Variants in PIK3C2A observed in about 807,000 individuals in gnomAD.
PIK3C2A encodes the protein phosphatidylinositol-4-phosphate 3-kinase catalytic subunit type 2 alpha.
In PIK3C2A, 97 loss-of-function variants were observed where a neutral mutation model predicts 204.5. That is an observed-to-expected ratio of 0.47 (90% CI 0.40 to 0.56). The LOEUF (loss-of-function observed/expected upper bound fraction) is 0.56. PIK3C2A is among the 20% of genes least tolerant of loss of function. The pLI is 0.00. For missense variants in PIK3C2A, 1,735 were observed against 1,969.2 expected, an observed-to-expected ratio of 0.88 and a Z score of 2.25; for synonymous variants, 653 against 664.4, an observed-to-expected ratio of 0.98 and a Z score of 0.26.
chr11:17,120,009 G>A, intron 15 of PIK3C2A, 35 bp from the exon 16 acceptor site: 2 of 922,838 alleles, frequency 2.2e-6, no homozygotes, highest in South Asian at 3.8e-5. Flanking sequence ...ACTTCTCAGT[G>A]ATAACATAAT....
intron 32 of PIK3C2A, among the ~76,000 whole-genome samples, chr11:17,090,557 C>A (rs1244196956): frequency 2.0e-5 from 3 of 152,112 alleles, no homozygotes; most frequent in Admixed American, 6.6e-5. Context: ...TAATTAAGCA[C>A]AGACTAGACA....
rs368712422 is a variant in PIK3C2A at position 17,122,836 on chromosome 11, A to C, written c.2400-23T>G. ...AACCTTCACGGATGTAAAAATAATA[A>C]TGTGATTTTCATTTTAAAAATCAAT... On this transcript the variant is annotated intron_variant, in intron 13 of 32. Coordinates refer to ENST00000691414, the MANE Select transcript of PIK3C2A (RefSeq NM_002645.4). The C allele has an allele frequency of 3.6e-5, 34 of 948,660 alleles. No homozygotes were observed. In the African/African-American group the frequency reaches 5.1e-4, roughly 14 times the overall value. 58.8% of individuals were successfully genotyped at this position (948,660 alleles called of 1,614,324 possible). A position where few individuals can be genotyped will look rare whatever the true frequency, so the allele number is the denominator to read the frequency against.
rs369370929 is a variant in PIK3C2A, at chr11:17,134,811, T to C, written c.2108+8A>G. On this transcript the variant is annotated splice_region_variant and intron_variant, in intron 11 of 32. Transcript: ENST00000691414. ...CCACCATGCCTGGCTGCTTAAACAG[T>C]TACTTACTTTGATACCCAATTACTT... The C allele has an allele frequency of 2.5e-6, 4 of 1,603,414 alleles. No individual in the cohort carries two copies. Among genetic ancestry groups the C allele is most frequent in the Non-Finnish European group, 3.4e-6 (4 of 1,170,244 alleles).
chr11:17,090,053 G>C (rs777615544), intron 32 of PIK3C2A, 133 bp from the exon 33 acceptor site: 2 of 649,982 alleles, frequency 3.1e-6, no homozygotes, highest in Non-Finnish European at 5.3e-6. Context: ...TGACACATCC[G>C]GTAGGTTTTG....
intron 2 of PIK3C2A, among the ~76,000 whole-genome samples, chr11:17,168,311 G>A (rs1851038159): frequency 6.6e-6 from 1 of 152,220 alleles, no homozygotes; most frequent in African/African-American, 2.4e-5. Flanking sequence ...GCTGGGCGCA[G>A]TGGCTCACGC....
chr11:17,112,782 T>C lies in PIK3C2A; in HGVS notation c.3322-116A>G. 6.3e-6 allele frequency: 3 copies of C among 476,372 alleles called. No homozygotes were observed. The South Asian group carries it at 1.4e-4, about 22-fold the overall frequency. 29.5% of individuals were successfully genotyped at this position (476,372 alleles called of 1,614,324 possible). On this transcript the variant is annotated intron_variant, in intron 20 of 32. Transcript: ENST00000691414. ...CCTTTGTGTCTTGTTTTTAGATTTATTTTTTATTTTTATTTCTGTTAGAGA... is the reference window on the plus strand; with the variant it reads ...CCTTTGTGTCTTGTTTTTAGATTTACTTTTTATTTTTATTTCTGTTAGAGA...
chr11:17,093,195 T>C (rs1007589755), intron 28 of PIK3C2A, among the ~76,000 whole-genome samples: 25 of 152,224 alleles, frequency 1.6e-4, no homozygotes, highest in African/African-American at 6.0e-4. Flanking sequence ...TTGAGCTACA[T>C]TAAAACTGAA....
intron 1 of PIK3C2A, among the ~76,000 whole-genome samples, chr11:17,174,883 A>G (rs531253726): frequency 6.6e-6 from 1 of 152,280 alleles, no homozygotes; most frequent in South Asian, 2.1e-4. Flanking sequence ...CTTGGCAACA[A>G]GAGTGAAACT....
At chr11:17,136,687 A>G in intron 8 of PIK3C2A, 62 bp from the exon 9 acceptor site, 1 of 889,528 alleles carries the variant, frequency 1.1e-6, no homozygotes, top group Non-Finnish European at 1.7e-6. Flanking sequence ...AATTCCAGAG[A>G]CGAAGTCAGA....
intron 12 of PIK3C2A, 93 bp downstream of exon 12, chr11:17,131,823 A>C: frequency 4.3e-6 from 4 of 939,354 alleles, no homozygotes; most frequent in Non-Finnish European, 6.7e-6. Context: ...TTTCAATGAA[A>C]ATTGCAATAA....
rs1217044615 is a variant in PIK3C2A, at chr11:17,135,033, G to A, written c.1898-4C>T. Reference sequence around the variant, plus strand: ...GGATTTTCAGGATTAAGTGAGCCTAGATTAAAGAAAAAAAAAGTTAATAGA... The same window carrying A: ...GGATTTTCAGGATTAAGTGAGCCTAAATTAAAGAAAAAAAAAGTTAATAGA... On this transcript the variant is annotated splice_polypyrimidine_tract_variant and splice_region_variant and intron_variant, in intron 10 of 32. Transcript: ENST00000691414. 5.6e-6 allele frequency: 9 copies of A among 1,612,424 alleles called. No homozygotes were observed. The Admixed American group carries it at 1.3e-4, about 24-fold the overall frequency.
intron 22 of PIK3C2A, among the ~76,000 whole-genome samples, chr11:17,106,446 C>T (rs780258509): frequency 7.2e-5 from 11 of 152,060 alleles, no homozygotes; most frequent in Non-Finnish European, 1.0e-4. Flanking sequence ...CAAGTCTGGC[C>T]GCCAATCAAA....
At chr11:17,193,883 A>G (rs1219681633) in intron 1 of PIK3C2A, 10 of 156,336 alleles carry the variant, frequency 6.4e-5, no homozygotes, top group Admixed American at 9.3e-5. Context: ...AAAAGAAAAG[A>G]AAAGAAAAGA....
At chr11:17,122,153 G>A (rs1253515378) in intron 15 of PIK3C2A, 35 bp downstream of exon 15, 5 of 1,400,650 alleles carry the variant, frequency 3.6e-6, no homozygotes, top group Admixed American at 1.8e-5. Flanking sequence ...CATTACAGGA[G>A]ATACTTAGCC....
intron 2 of PIK3C2A, among the ~76,000 whole-genome samples, chr11:17,167,893 A>G (rs1375487480): frequency 6.6e-6 from 1 of 152,182 alleles, no homozygotes; most frequent in Non-Finnish European, 1.5e-5. Flanking sequence ...GTTTAAAGGG[A>G]GAGTCCTTTA....
At chr11:17,153,719 T>C (rs1009753121) in intron 3 of PIK3C2A, among the ~76,000 whole-genome samples, 3 of 152,194 alleles carry the variant, frequency 2.0e-5, no homozygotes, top group African/African-American at 7.2e-5. Flanking sequence ...TATAAACAAA[T>C]ATCATTCTGA....
At position 17,102,688 on chromosome 11, in the gene PIK3C2A, A is replaced by C; in HGVS notation, c.3825T>G (p.His1275Gln). The C allele has an allele frequency of 6.2e-7, 1 of 1,613,414 alleles. No individual in the cohort carries two copies. Among genetic ancestry groups the C allele is most frequent in the Non-Finnish European group, 8.5e-7 (1 of 1,179,744 alleles). Reference sequence around the variant, plus strand: ...TTTTGAAGCTGCCAAACATCTGTGCATGTCCCAAAAACTTTCCAAAGTCAA... The same window carrying C: ...TTTTGAAGCTGCCAAACATCTGTGCCTGTCCCAAAAACTTTCCAAAGTCAA... Reference protein sequence around the residue: ...FHIDFGKFLGHAQMFGSFKRD... With the variant: ...FHIDFGKFLGQAQMFGSFKRD... The change falls in exon 24 of 33, where the codon CAT becomes CAG. Residue 1275 changes from histidine to glutamine, a missense_variant. Coordinates refer to ENST00000691414, the MANE Select transcript of PIK3C2A (RefSeq NM_002645.4).
Position 17,132,869 on chromosome 11 carries a change from C to T in PIK3C2A, c.2109-831G>A, listed in dbSNP as rs117479943. Among the ~76,000 whole-genome samples, 576 of 152,236 alleles carry T rather than the reference C, an allele frequency of 3.8e-3. 19 individuals carry two copies. The South Asian group carries it at 0.069, about 18-fold the overall frequency. ...ATGGGGACAGATGCTATTGAATTCT[C>T]TCATTAGATTGCAGTGACTCAGCCA... On this transcript the variant is annotated intron_variant, in intron 11 of 32. Transcript: ENST00000691414.
intron 8 of PIK3C2A, among the ~76,000 whole-genome samples, chr11:17,141,595 G>C (rs184320981): frequency 8.0e-4 from 122 of 152,156 alleles, no homozygotes; most frequent in African/African-American, 2.8e-3. Flanking sequence ...ATTAACACTG[G>C]TATATTGCTA....
Sources: gnomAD v4.1 joint callset for allele counts (sites outside exome capture counted in the v4.1 genomes callset) on GRCh38, gnomAD v4.1.1 for gene constraint, MANE v1.5 for transcripts, NCBI Gene and HGNC (gene_info 2026-07-23, HGNC 2026-07-21) for gene names.